The following CCL26 variants were observed in gnomAD, a reference collection of about 807,000 sequenced individuals.
CCL26 encodes C-C motif chemokine ligand 26, also known as C-C motif chemokine 26.
CCL26 carries 10 observed loss-of-function variants against 10.7 expected under a neutral mutation model. That is an observed-to-expected ratio of 0.93 (90% CI 0.57 to 1.58). The LOEUF (loss-of-function observed/expected upper bound fraction) is 1.58, where lower values mean the gene tolerates loss of function less well. CCL26 is among the 40% of genes most tolerant of loss of function. The pLI is 0.00. For missense variants in CCL26, 116 were observed against 111.0 expected, an observed-to-expected ratio of 1.05 and a Z score of -0.20; for synonymous variants, 43 against 41.4, an observed-to-expected ratio of 1.04 and a Z score of -0.15.
upstream of CCL26, among the ~76,000 whole-genome samples, chr7:75,776,167 G>A (rs1802935771): frequency 1.3e-5 from 2 of 150,408 alleles, 1 homozygote; most frequent in Non-Finnish European, 3.0e-5. Context: ...CGCCTCCCAG[G>A]TTCACACGAT....
chr7:75,784,350 A>G (rs901612898), intron 1 of CCL26, among the ~76,000 whole-genome samples: 3 of 152,162 alleles, frequency 2.0e-5, no homozygotes, highest in Admixed American at 6.5e-5. Context: ...CTCTGGCCCA[A>G]GGCTCTCTGA....
chr7:75,786,607 A>T (rs929101198), intron 1 of CCL26, among the ~76,000 whole-genome samples: 6 of 152,216 alleles, frequency 3.9e-5, no homozygotes, highest in African/African-American at 1.4e-4. Context: ...GAGTCAAAGC[A>T]GGGCCATCAA....
upstream of CCL26, among the ~76,000 whole-genome samples, chr7:75,776,068 C>CTT (rs534170968): frequency 4.9e-3 from 491 of 99,604 alleles, no homozygotes; most frequent in Middle Eastern, 8.6e-3. Context: ...AGTTCACACT[C>CTT]TTTTTTTTTT....
chr7:75,781,766 T>C (rs1803069651), intron 1 of CCL26, among the ~76,000 whole-genome samples: 1 of 149,754 alleles, frequency 6.7e-6, no homozygotes, highest in Non-Finnish European at 1.5e-5. Flanking sequence ...AACAACCCCC[T>C]TTGACTGTAA....
upstream of CCL26, among the ~76,000 whole-genome samples, chr7:75,790,174 C>T (rs561475341): frequency 1.3e-3 from 46 of 34,588 alleles, no homozygotes; most frequent in Non-Finnish European, 2.3e-3. Context: ...TTCCTTCCTT[C>T]CTTCCTTTCT....
In CCL26 at chr7:75,783,314, C is replaced by T. The variant is rs555551126; in HGVS notation, c.-79+6403G>A. Among the ~76,000 whole-genome samples, 76 of 152,206 alleles carry T rather than the reference C, an allele frequency of 5.0e-4. 1 individual carries two copies. The highest frequency in any genetic ancestry group is 1.7e-3 in the African/African-American group (72 of 41,534). ...ACAGGAAAGAGTTTTTTCTCTAGCC[C>T]AATCTCACACTGATAACCGCCGGCT... On this transcript the variant is annotated intron_variant, in intron 1 of 3. Transcript: ENST00000394905.
chr7:75,789,341 G>A (rs1554530443), intron 1 of CCL26, among the ~76,000 whole-genome samples: 2 of 151,848 alleles, frequency 1.3e-5, no homozygotes, highest in Non-Finnish European at 2.9e-5. Flanking sequence ...CTGCAGTTAA[G>A]GAAATGTAAT....
chr7:75,787,086 C>G (rs782463873), intron 1 of CCL26, among the ~76,000 whole-genome samples: 1 of 152,184 alleles, frequency 6.6e-6, no homozygotes, highest in Non-Finnish European at 1.5e-5. Context: ...TAAAATACCT[C>G]TTGGTCTGGG....
upstream of CCL26, among the ~76,000 whole-genome samples, chr7:75,790,157 C>T (rs1181016530): frequency 1.4e-4 from 9 of 65,898 alleles, no homozygotes; most frequent in East Asian, 4.1e-3. Context: ...CTGTCTCTCT[C>T]CCTTCCTTCC....
At chr7:75,778,748 T>A (rs1802996567) in intron 1 of CCL26, among the ~76,000 whole-genome samples, 1 of 151,576 alleles carries the variant, frequency 6.6e-6, no homozygotes, top group Non-Finnish European at 1.5e-5. Flanking sequence ...TGCATCAGCC[T>A]CCTGAGCCAC....
At chr7:75,788,014 C>T (rs1803240148) in intron 1 of CCL26, among the ~76,000 whole-genome samples, 1 of 152,134 alleles carries the variant, frequency 6.6e-6, no homozygotes, top group South Asian at 2.1e-4. Context: ...CTCTCCCACT[C>T]TAGGTTCCCA....
chr7:75,770,822 T>C (rs1554528018), intron 2 of CCL26, among the ~76,000 whole-genome samples: 2 of 152,048 alleles, frequency 1.3e-5, no homozygotes, highest in Non-Finnish European at 2.9e-5. Flanking sequence ...CTTACAGGCC[T>C]GCGCCACCTC....
chr7:75,771,116 T>C (rs887014066), intron 2 of CCL26, among the ~76,000 whole-genome samples: 3 of 147,884 alleles, frequency 2.0e-5, no homozygotes, highest in African/African-American at 7.5e-5. Context: ...ATGAAGTCTC[T>C]CTGTGTTACC....
chr7:75,783,718 T>C (rs1274811525), intron 1 of CCL26, among the ~76,000 whole-genome samples: 2 of 143,616 alleles, frequency 1.4e-5, no homozygotes, highest in African/African-American at 5.3e-5. Flanking sequence ...ACCCGGTAGG[T>C]GGAGCTTGCA....
chr7:75,785,122 C>A (rs1236762415), intron 1 of CCL26, among the ~76,000 whole-genome samples: 1 of 152,168 alleles, frequency 6.6e-6, no homozygotes, highest in African/African-American at 2.4e-5. Flanking sequence ...CCCATACACT[C>A]TTTTGTCCTC....
chr7:75,776,735 AC>A (rs1554528790), upstream of CCL26, among the ~76,000 whole-genome samples: 3 of 152,254 alleles, frequency 2.0e-5, no homozygotes, highest in South Asian at 6.2e-4. Flanking sequence ...ACACACTTAA[AC>A]CGCAGTGTGC....
At chr7:75,777,472 G>A (rs1802965570) in intron 1 of CCL26, among the ~76,000 whole-genome samples, 1 of 152,042 alleles carries the variant, frequency 6.6e-6, no homozygotes, top group South Asian at 2.1e-4. Context: ...TATAAGCCAG[G>A]TGTAGTGGCT....
At chr7:75,771,562 A>C (rs1802819980) in intron 2 of CCL26, among the ~76,000 whole-genome samples, 3 of 152,268 alleles carry the variant, frequency 2.0e-5, no homozygotes, top group East Asian at 1.9e-4. Flanking sequence ...CTAATAACAC[A>C]AAAATTAGCT....
chr7:75,772,349 T>A (rs1213042529), upstream of CCL26: 3 of 606,434 alleles, frequency 4.9e-6, no homozygotes, highest in African/African-American at 5.6e-5. Flanking sequence ...AGGAATGAAA[T>A]TAGACAGTGA....
Sources: allele counts gnomAD v4.1 joint callset (sites outside exome capture counted in the v4.1 genomes callset), GRCh38; gene constraint gnomAD v4.1.1; transcripts MANE v1.5; gene names NCBI Gene and HGNC (gene_info 2026-07-23, HGNC 2026-07-21).